Variants in CS observed in about 807,000 individuals in gnomAD.
The protein encoded by CS is citrate synthase, also known as citrate synthase, mitochondrial.
CS carries 13 observed loss-of-function variants against 61.4 expected under a neutral mutation model. That is an observed-to-expected ratio of 0.21 (90% confidence interval 0.14 to 0.34). CS has a LOEUF of 0.34. CS is among the 10% of genes least tolerant of loss of function. CS has a pLI of 1.00. For synonymous variants in CS, 159 were observed against 215.2 expected, an observed-to-expected ratio of 0.74 and a Z score of 2.29; for missense variants, 278 against 573.4, an observed-to-expected ratio of 0.48 and a Z score of 5.26.
intron 5 of CS, 97 bp from the exon 6 acceptor site, chr12:56,282,705 AG>A: frequency 6.6e-7 from 1 of 1,516,354 alleles, no homozygotes; most frequent in South Asian, 1.3e-5. Flanking sequence ...AACCCAAGAG[AG>A]GTCAACCCAA....
Position 56,300,252 on chromosome 12 carries a change from C to A in CS, c.-51G>T. The A allele has an allele frequency of 7.2e-6, 11 of 1,532,034 alleles. No homozygotes were observed. Among genetic ancestry groups the A allele is most frequent in the Non-Finnish European group, 9.7e-6 (11 of 1,137,222 alleles). The allele number at this position is 1,532,034 out of a possible 1,614,324, so 94.9% of individuals were successfully genotyped here. The stretch of plus-strand genomic sequence containing the variant: ...GGGAGGTAAGAAAGGGAGAGAGCTG[C>A]GGCAGGAACAGGAGCCGCCGCCGCT... On this transcript the variant is annotated 5_prime_UTR_variant, in exon 1 of 11. Transcript: ENST00000351328.
intron 1 of CS, chr12:56,298,800 G>T: frequency 2.7e-6 from 1 of 364,618 alleles, no homozygotes; most frequent in African/African-American, 2.2e-5. Flanking sequence ...AGCACTTTGG[G>T]AGGCCGAGGC....
At chr12:56,282,297 TTAAG>T in intron 6 of CS, 119 bp downstream of exon 6, 1 of 741,844 alleles carries the variant, frequency 1.3e-6, no homozygotes, top group Non-Finnish European at 2.0e-6. Context: ...TGAAAATCTG[TTAAG>T]TTAGTTTCTG....
chr12:56,285,170 T>G, intron 3 of CS: 1 of 319,760 alleles, frequency 3.1e-6, no homozygotes, highest in South Asian at 2.3e-5. Flanking sequence ...GGTCTCGAAC[T>G]CCTGACCTCA....
intron 2 of CS, chr12:56,286,383 T>G (rs1872939570): frequency 5.5e-6 from 3 of 548,978 alleles, no homozygotes; most frequent in Admixed American, 6.6e-5. Flanking sequence ...ATTAGGCAAA[T>G]GTATTGATAT....
intron 3 of CS, 24 bp downstream of exon 3, chr12:56,285,892 C>A (rs1286522123): frequency 6.3e-7 from 1 of 1,588,388 alleles, no homozygotes; most frequent in South Asian, 1.1e-5. Flanking sequence ...CTACTTTTCC[C>A]AGCCAAAGCC....
rs565179271 is a variant in CS at position 56,278,961 on chromosome 12, G to A, written c.589-2766C>T. Among the ~76,000 whole-genome samples, 17 of 152,042 alleles carry A rather than the reference G, an allele frequency of 1.1e-4. No homozygotes were observed. In the South Asian group the frequency reaches 3.5e-3, roughly 32 times the overall value. ...GCTAATTTTTGTATTATTTTGTAGAGATGGGGTTTCGCCATGTTGGCCAGA... is the reference window on the plus strand; with the variant it reads ...GCTAATTTTTGTATTATTTTGTAGAAATGGGGTTTCGCCATGTTGGCCAGA... On this transcript the variant is annotated intron_variant, in intron 6 of 10. Transcript: ENST00000351328.
intron 7 of CS, 41 bp from the exon 8 acceptor site, chr12:56,275,172 G>C: frequency 6.2e-7 from 1 of 1,613,014 alleles, no homozygotes; most frequent in South Asian, 1.1e-5. Flanking sequence ...GAAGAAAGAA[G>C]GGGCAGATTA....
In CS at chr12:56,273,202, C is replaced by T. The variant is rs1233625047; in HGVS notation, c.1283G>A (p.Arg428Gln). 2 of 1,614,108 alleles carry T rather than the reference C, an allele frequency of 1.2e-6. No homozygotes were observed. Among genetic ancestry groups the T allele is most frequent in the Non-Finnish European group, 8.5e-7 (1 of 1,179,990 alleles). The stretch of plus-strand genomic sequence containing the variant: ...GAGCTGTGCCAGTACACCCAATGCT[C>T]GTGACACCCCAAACAGGACCGTGTA... ...NYYTVLFGVSRALGVLAQLIW... is the reference protein window; with the variant it reads ...NYYTVLFGVSQALGVLAQLIW... Residue 428 changes from arginine to glutamine, a missense_variant, in exon 11 of 11, where the codon CGA becomes CAA. Physicochemically the swap from Arg to Gln is conservative, Grantham distance 43 (BLOSUM62 1). Around this residue, in one of 2 missense-constraint regions of CS, gnomAD observed 223 missense variants for 503.5 expected, o/e 0.44. Transcript: ENST00000351328.
chr12:56,276,703 G>C (rs1242882790), intron 6 of CS, among the ~76,000 whole-genome samples: 1 of 152,020 alleles, frequency 6.6e-6, no homozygotes, highest in Non-Finnish European at 1.5e-5. Flanking sequence ...CACCATACCC[G>C]GCTAATTTTG....
intron 6 of CS, among the ~76,000 whole-genome samples, chr12:56,281,459 G>T (rs954683344): frequency 1.3e-5 from 2 of 152,170 alleles, no homozygotes; most frequent in South Asian, 2.1e-4. Flanking sequence ...CTCCTGATGG[G>T]TATCTTAGGT....
chr12:56,292,901 C>T (rs1028231611), intron 1 of CS, among the ~76,000 whole-genome samples: 5 of 150,768 alleles, frequency 3.3e-5, no homozygotes, highest in African/African-American at 1.2e-4. Flanking sequence ...GAGACTCTGT[C>T]TCAAAAAAAA....
At chr12:56,297,853 T>G (rs1200019828) in intron 1 of CS, among the ~76,000 whole-genome samples, 1 of 152,172 alleles carries the variant, frequency 6.6e-6, no homozygotes, top group Non-Finnish European at 1.5e-5. Context: ...ATGACTAGCA[T>G]TATCCACAGG....
At chr12:56,292,129 G>A (rs1873144096) in intron 1 of CS, among the ~76,000 whole-genome samples, 1 of 152,224 alleles carries the variant, frequency 6.6e-6, no homozygotes, top group African/African-American at 2.4e-5. Flanking sequence ...TGGGCACTGT[G>A]GCTCAAGCCT....
intron 7 of CS, 167 bp downstream of exon 7, chr12:56,275,829 C>T (rs1432738142): frequency 6.3e-6 from 4 of 634,324 alleles, no homozygotes; most frequent in Non-Finnish European, 1.1e-5. Context: ...GGCCTCCTGA[C>T]CTTGCTTACT....
intron 1 of CS, 79 bp downstream of exon 1, chr12:56,300,076 TGGGAG>T (rs1363515201): frequency 7.2e-7 from 1 of 1,392,188 alleles, no homozygotes; most frequent in Non-Finnish European, 9.8e-7. Flanking sequence ...CGCACGGGTG[TGGGAG>T]GGAGACCCCG....
At chr12:56,299,826 A>G in intron 1 of CS, 1 of 306,920 alleles carries the variant, frequency 3.3e-6, no homozygotes, top group Non-Finnish European at 6.2e-6. Flanking sequence ...TCTAGTCTCT[A>G]CCAGAGGTTC....
In CS at chr12:56,285,287, TTTTG is replaced by T. The variant is rs556054391; in HGVS notation, c.201+625_201+628del. The T allele has an allele frequency of 1.9e-4, 83 of 439,450 alleles. 3 individuals are homozygous for T. The East Asian group carries it at 6.0e-3, about 32-fold the overall frequency. 27.2% of individuals were successfully genotyped at this position (439,450 alleles called of 1,614,324 possible). On this transcript the variant is annotated intron_variant, in intron 3 of 10. Coordinates refer to ENST00000351328, the MANE Select transcript of CS (RefSeq NM_004077.3). ...TAAGTTGAGAAATCACTATCTTTCT[TTTTG>T]TTTGTTTTGGAGATAGGGTCTCCCT...
rs185022128 is a variant in CS at position 56,288,360 on chromosome 12, T to C, written c.43-1715A>G. Among the ~76,000 whole-genome samples the C allele has an allele frequency of 8.3e-4, 124 of 149,794 alleles. No individual in the cohort carries two copies. In the East Asian group the frequency reaches 0.017, roughly 20 times the overall value. Reference sequence around the variant, plus strand: ...GGCTTTTTAGAATTTTTTTTTTTTTTTTTTTTTTTGAGATGGAGTCTCATT... The same window carrying C: ...GGCTTTTTAGAATTTTTTTTTTTTTCTTTTTTTTTGAGATGGAGTCTCATT... On this transcript the variant is annotated intron_variant, in intron 1 of 10. Transcript: ENST00000351328.
Sources: allele counts gnomAD v4.1 joint callset (sites outside exome capture counted in the v4.1 genomes callset), GRCh38; gene constraint gnomAD v4.1.1; regional missense constraint gnomAD v4.1.1; transcripts MANE v1.5; gene names NCBI Gene and HGNC (gene_info 2026-07-23, HGNC 2026-07-21).